TECRL: variants seen among roughly 807,000 people sequenced by gnomAD.
TECRL encodes the protein trans-2,3-enoyl-CoA reductase-like.
Under a neutral mutation model 52.8 loss-of-function variants are expected in TECRL, and 63 were observed. That is an observed-to-expected ratio of 1.19 (90% CI 0.97 to 1.47). The LOEUF (loss-of-function observed/expected upper bound fraction) is 1.47, where lower values mean the gene tolerates loss of function less well. TECRL is among the 40% of genes most tolerant of loss of function. The pLI, the probability that TECRL is intolerant of heterozygous loss-of-function variation, is 0.00. For missense variants in TECRL, 482 were observed against 429.6 expected, an observed-to-expected ratio of 1.12 and a Z score of -1.08; for synonymous variants, 164 against 141.9, an observed-to-expected ratio of 1.16 and a Z score of -1.10.
chr4:64,298,926 C>T (rs1352870803), intron 8 of TECRL: 3 of 151,108 alleles, frequency 2.0e-5, no homozygotes, highest in African/African-American at 7.3e-5. Context: ...TTAAATAACG[C>T]TGTTACAACA....
At chr4:64,384,765 C>T (rs554512279) in intron 1 of TECRL, among the ~76,000 whole-genome samples, 1 of 152,110 alleles carries the variant, frequency 6.6e-6, no homozygotes, top group African/African-American at 2.4e-5. Flanking sequence ...AGGGCCCTGA[C>T]AGCATGAATA....
At chr4:64,334,244 T>C (rs1176877157) in intron 2 of TECRL, among the ~76,000 whole-genome samples, 1 of 152,074 alleles carries the variant, frequency 6.6e-6, no homozygotes, top group Non-Finnish European at 1.5e-5. Context: ...GCTAAAGATA[T>C]TGGCTGCTGA....
At chr4:64,379,766 C>A (rs1280309086) in intron 1 of TECRL, among the ~76,000 whole-genome samples, 1 of 152,034 alleles carries the variant, frequency 6.6e-6, no homozygotes, top group Non-Finnish European at 1.5e-5. Flanking sequence ...CAATGCCTGG[C>A]GTTTTTCAGT....
intron 1 of TECRL, among the ~76,000 whole-genome samples, chr4:64,392,111 C>T (rs545382525): frequency 1.3e-5 from 2 of 151,922 alleles, no homozygotes; most frequent in South Asian, 2.1e-4. Flanking sequence ...ACTGACAAAG[C>T]AGAAGTCATC....
intron 1 of TECRL, among the ~76,000 whole-genome samples, chr4:64,387,413 T>C (rs1398460281): frequency 6.6e-6 from 1 of 152,084 alleles, no homozygotes; most frequent in African/African-American, 2.4e-5. Context: ...TTCAGCTCAT[T>C]TGAGTAGATA....
Position 64,314,447 on chromosome 4 carries a change from A to G in TECRL, c.551+201T>C, listed in dbSNP as rs145571402. On this transcript the variant is annotated intron_variant, in intron 5 of 11. Coordinates refer to ENST00000381210, the MANE Select transcript of TECRL (RefSeq NM_001010874.5). ...GTATACCTAATAGTTCTTAGTTTAC[A>G]AATTTGGAAGCTGGTGTACATACAC... 5.9e-5 allele frequency among the ~76,000 whole-genome samples: 9 copies of G among 152,304 alleles called. No individual in the cohort carries two copies. In the East Asian group the frequency reaches 1.7e-3, roughly 29 times the overall value.
chr4:64,333,071 A>G (rs406687), intron 2 of TECRL, among the ~76,000 whole-genome samples: 8,689 of 152,052 alleles, frequency 0.057, 376 homozygotes, highest in African/African-American at 0.12. Context: ...AATTAAAGAC[A>G]TATGATGACA....
intron 2 of TECRL, among the ~76,000 whole-genome samples, chr4:64,347,382 T>A (rs1010295917): frequency 1.3e-5 from 2 of 152,172 alleles, no homozygotes; most frequent in African/African-American, 4.8e-5. Flanking sequence ...TTCTGGGACA[T>A]CTCAAAATCA....
chr4:64,322,091 T>A (rs1026444582), intron 4 of TECRL, among the ~76,000 whole-genome samples: 1 of 152,206 alleles, frequency 6.6e-6, no homozygotes, highest in African/African-American at 2.4e-5. Flanking sequence ...AACTTGTATC[T>A]GTTCTACCTA....
chr4:64,296,893 TA>T (rs1399569058), intron 8 of TECRL, among the ~76,000 whole-genome samples: 1 of 151,638 alleles, frequency 6.6e-6, no homozygotes, highest in Non-Finnish European at 1.5e-5. Flanking sequence ...GATGTCTTCA[TA>T]AATTTGCCTG....
intron 2 of TECRL, among the ~76,000 whole-genome samples, chr4:64,338,854 C>T (rs56103241): frequency 0.042 from 6,330 of 152,170 alleles, 198 homozygotes; most frequent in Non-Finnish European, 0.063. Context: ...ACTAGTTCAA[C>T]CATTGTGGAA....
chr4:64,289,322 G>C (rs1723248634), intron 9 of TECRL, among the ~76,000 whole-genome samples: 1 of 152,092 alleles, frequency 6.6e-6, no homozygotes, highest in Non-Finnish European at 1.5e-5. Flanking sequence ...AAAAACTAAA[G>C]GTAATTTGAA....
chr4:64,307,584 G>A lies in TECRL; in HGVS notation c.657+2242C>T, dbSNP rs141898026. ...CCTTTTCTCCCCTCTCTTTCCATAT[G>A]TGTAACAATCCATCTTCAGCCTGCA... On this transcript the variant is annotated intron_variant, in intron 6 of 11. Transcript: ENST00000381210. 5.3e-5 allele frequency among the ~76,000 whole-genome samples: 8 copies of A among 152,192 alleles called. No homozygotes were observed. In the East Asian group the frequency reaches 1.6e-3, roughly 30 times the overall value.
intron 1 of TECRL, chr4:64,397,683 C>G (rs1227436527): frequency 6.6e-6 from 1 of 151,986 alleles, no homozygotes; most frequent in Non-Finnish European, 1.5e-5. Context: ...TCTTTTTTTA[C>G]CAACCAGAAG....
chr4:64,378,986 G>C (rs1722591883), intron 1 of TECRL, among the ~76,000 whole-genome samples: 1 of 151,190 alleles, frequency 6.6e-6, no homozygotes, highest in South Asian at 2.1e-4. Flanking sequence ...CACATATCCT[G>C]TTTTTGTATC....
Position 64,293,727 on chromosome 4 carries a change from T to C in TECRL, c.775-3960A>G, listed in dbSNP as rs527670143. Among the ~76,000 whole-genome samples the C allele has an allele frequency of 3.4e-4, 51 of 152,070 alleles. No homozygotes were observed. In the South Asian group the frequency reaches 9.8e-3, roughly 29 times the overall value. On this transcript the variant is annotated intron_variant, in intron 8 of 11. Transcript: ENST00000381210. ...TCCTTAAAGAAATGAAAATGATGTA[T>C]CAATAGAACAAAACTCACACGTCCT...
chr4:64,404,923 A>G (rs886824977), intron 1 of TECRL, among the ~76,000 whole-genome samples: 20 of 152,068 alleles, frequency 1.3e-4, no homozygotes, highest in Non-Finnish European at 1.6e-4. Flanking sequence ...TGTTTCTTGA[A>G]CCGGAGTGCA....
At chr4:64,313,476 CTTTTTTTTTTTTT>C (rs565143298) in intron 5 of TECRL, among the ~76,000 whole-genome samples, 60 of 66,342 alleles carry the variant, frequency 9.0e-4, no homozygotes, top group South Asian at 4.6e-3. Flanking sequence ...TGCCTTACTC[CTTTTTTTTTTTTT>C]TTTTTTTTTT....
At chr4:64,333,890 G>T (rs1170246243) in intron 2 of TECRL, among the ~76,000 whole-genome samples, 1 of 141,704 alleles carries the variant, frequency 7.1e-6, no homozygotes, top group Non-Finnish European at 1.5e-5. Flanking sequence ...CGGGCGCGGT[G>T]GCGGGCGCCT....
Sources: gnomAD v4.1 joint callset for allele counts (sites outside exome capture counted in the v4.1 genomes callset) on GRCh38, gnomAD v4.1.1 for gene constraint, MANE v1.5 for transcripts, NCBI Gene and HGNC (gene_info 2026-07-23, HGNC 2026-07-21) for gene names.